EDC3: variants seen among roughly 807,000 people sequenced by gnomAD.
EDC3 encodes the protein enhancer of mRNA-decapping protein 3.
In EDC3, 20 loss-of-function variants were observed where a neutral mutation model predicts 41.8. That is an observed-to-expected ratio of 0.48 (90% CI 0.34 to 0.70). EDC3 has a LOEUF of 0.70. EDC3 is among the 30% of genes least tolerant of loss of function. EDC3 has a pLI of 0.01. For missense variants in EDC3, 444 were observed against 636.8 expected, an observed-to-expected ratio of 0.70 and a Z score of 3.26; for synonymous variants, 206 against 243.2, an observed-to-expected ratio of 0.85 and a Z score of 1.42.
At chr15:74,659,511 T>TATATATATATATAG (rs1346060455) in intron 3 of EDC3, among the ~76,000 whole-genome samples, 42 of 127,072 alleles carry the variant, frequency 3.3e-4, no homozygotes, top group African/African-American at 1.1e-3. Context: ...TATATATATA[T>TATATATATATATAG]AGGCAAATAA....
chr15:74,646,575 G>A (rs1366856376), intron 4 of EDC3, among the ~76,000 whole-genome samples: 2 of 152,198 alleles, frequency 1.3e-5, no homozygotes, highest in African/African-American at 4.8e-5. Context: ...ATGAATAGAA[G>A]AGGGACTCCA....
rs774119590 is a variant in EDC3 at position 74,671,682 on chromosome 15, G to A, written c.257C>T (p.Pro86Leu). 2 of 1,614,018 alleles carry A rather than the reference G, an allele frequency of 1.2e-6. No individual in the cohort carries two copies. Among genetic ancestry groups the A allele is most frequent in the African/African-American group, 1.3e-5 (1 of 74,916 alleles). The change falls in exon 3 of 7, where the codon CCC becomes CTC. Residue 86 changes from proline (P) to leucine (L), a missense_variant. This residue lies in a region of EDC3 where 200 missense variants were observed against 244.0 expected (regional missense o/e 0.82). Coordinates refer to ENST00000315127, the MANE Select transcript of EDC3 (RefSeq NM_025083.5). The surrounding 1 kb of genome is among the most constrained non-coding windows in gnomAD (Gnocchi z 4.6). ...FGDLHQTELGPSGAGCQVGIN... is the reference protein window; with the variant it reads ...FGDLHQTELGLSGAGCQVGIN... ...GCCCACTTGGCAGCCAGCACCAGAG[G>A]GGCCTAATTCTGTTTGATGAAGGTC...
intron 2 of EDC3, 103 bp downstream of exon 2, chr15:74,674,858 T>G: frequency 1.5e-6 from 2 of 1,355,920 alleles, no homozygotes; most frequent in Admixed American, 3.6e-5. Flanking sequence ...CTACTAAAAA[T>G]ACAAAAAGCG....
At chr15:74,670,503 C>G (rs2062727002) in intron 3 of EDC3, among the ~76,000 whole-genome samples, 1 of 152,188 alleles carries the variant, frequency 6.6e-6, no homozygotes, top group South Asian at 2.1e-4. Flanking sequence ...AATATCAGCT[C>G]ACTGCAACCT....
intron 3 of EDC3, among the ~76,000 whole-genome samples, chr15:74,657,615 C>G (rs1282261719): frequency 6.6e-6 from 1 of 152,190 alleles, no homozygotes; most frequent in East Asian, 1.9e-4. Context: ...GAAATACCCC[C>G]AGAGTAAAAG....
chr15:74,672,120 T>A (rs2062746081), intron 2 of EDC3, among the ~76,000 whole-genome samples: 1 of 150,020 alleles, frequency 6.7e-6, no homozygotes, highest in African/African-American at 2.5e-5. Flanking sequence ...AAAAAAAAAA[T>A]TAGCCGGGCA....
At position 74,671,709 on chromosome 15, in the gene EDC3, C is replaced by T. The variant is rs766322816; in HGVS notation, c.230G>A (p.Gly77Glu). Residue 77 changes from glycine to glutamate, a missense_variant, in exon 3 of 7, where the codon GGA becomes GAA. Coordinates refer to ENST00000315127, the MANE Select transcript of EDC3 (RefSeq NM_025083.5). This position sits in a 1 kb window ranked among gnomAD's most constrained non-coding sequence, Gnocchi z 4.6. ...GCCTAATTCTGTTTGATGAAGGTCTCCAAAATGTTGGTTGTCTCCAGGTCC... is the reference window on the plus strand; with the variant it reads ...GCCTAATTCTGTTTGATGAAGGTCTTCAAAATGTTGGTTGTCTCCAGGTCC... ...IPGPGDNQHF[G>E]DLHQTELGPS... 15 of 1,613,986 alleles carry T rather than the reference C, an allele frequency of 9.3e-6. No homozygotes were observed. In the African/African-American group the frequency reaches 1.5e-4, roughly 16 times the overall value.
chr15:74,648,701 T>G (rs1478411440), intron 4 of EDC3, among the ~76,000 whole-genome samples: 1 of 152,180 alleles, frequency 6.6e-6, no homozygotes, highest in Admixed American at 6.5e-5. Context: ...TCCTGTTCCC[T>G]AAATCTCAGC....
In EDC3 at chr15:74,665,221, T is replaced by A. The variant is rs193087891; in HGVS notation, c.484+6234A>T. 3.9e-4 allele frequency among the ~76,000 whole-genome samples: 59 copies of A among 152,306 alleles called. 1 individual carries two copies. Among genetic ancestry groups the A allele is most frequent in the Non-Finnish European group, 5.7e-4 (39 of 68,030 alleles). On this transcript the variant is annotated intron_variant, in intron 3 of 6. Coordinates refer to ENST00000315127, the MANE Select transcript of EDC3 (RefSeq NM_025083.5). ...TTGTATTTTTAGTAGAGACAGGGTT[T>A]CGTCATGTTGGCCAGTCTGGTCTCG...
intron 1 of EDC3, among the ~76,000 whole-genome samples, chr15:74,688,003 T>C (rs1258956644): frequency 6.6e-6 from 1 of 152,250 alleles, no homozygotes; most frequent in African/African-American, 2.4e-5. Flanking sequence ...ACTTTGAAAA[T>C]GTGGATACTC....
chr15:74,678,920 G>A (rs1295169002), intron 1 of EDC3, among the ~76,000 whole-genome samples: 1 of 147,008 alleles, frequency 6.8e-6, no homozygotes, highest in Non-Finnish European at 1.5e-5. Context: ...GCTGGGCACA[G>A]TGGTTCACAC....
intron 3 of EDC3, among the ~76,000 whole-genome samples, chr15:74,659,487 AATATATATATAT>A (rs10601683): frequency 7.0e-6 from 1 of 142,196 alleles, no homozygotes; most frequent in African/African-American, 2.6e-5. Context: ...AAAAAATAGA[AATATATATATAT>A]ATATATATAT....
Position 74,671,725 on chromosome 15 carries a change from C to T in EDC3, c.214G>A (p.Asp72Asn), listed in dbSNP as rs909012007. 1 of 1,614,192 alleles carries T rather than the reference C, an allele frequency of 6.2e-7. No individual in the cohort carries two copies. The highest frequency in any genetic ancestry group is 1.3e-5 in the African/African-American group (1 of 75,058). ...TGAAGGTCTCCAAAATGTTGGTTGT[C>T]TCCAGGTCCTGGTATCTCCAGAATT... ...LKILEIPGPG[D>N]NQHFGDLHQT... The change falls in exon 3 of 7, where the codon GAC (aspartate) becomes AAC (asparagine). Residue 72 changes from aspartate (D) to asparagine (N), a missense_variant. Physicochemically the swap from Asp to Asn is conservative, Grantham distance 23. Transcript: ENST00000315127. The surrounding 1 kb of genome is among the most constrained non-coding windows in gnomAD (Gnocchi z 4.6).
chr15:74,662,536 T>G (rs1052558557), intron 3 of EDC3, among the ~76,000 whole-genome samples: 1 of 151,288 alleles, frequency 6.6e-6, no homozygotes, highest in Admixed American at 6.6e-5. Flanking sequence ...GAAAAAGCAA[T>G]AAAAATCATG....
intron 1 of EDC3, among the ~76,000 whole-genome samples, chr15:74,677,633 G>A (rs2062821708): frequency 6.6e-6 from 1 of 152,052 alleles, no homozygotes; most frequent in African/African-American, 2.4e-5. Flanking sequence ...GGCCTCCTAA[G>A]TGCTAGGTTT....
chr15:74,675,670 C>T (rs777669943), intron 1 of EDC3, among the ~76,000 whole-genome samples: 3 of 148,696 alleles, frequency 2.0e-5, no homozygotes, highest in Admixed American at 1.3e-4. Context: ...CACGAGGTCA[C>T]GAGATCAAGA....
intron 6 of EDC3, among the ~76,000 whole-genome samples, chr15:74,633,594 T>C (rs1378752169): frequency 6.6e-6 from 1 of 152,258 alleles, no homozygotes; most frequent in Non-Finnish European, 1.5e-5. Flanking sequence ...ACCAGGCTTC[T>C]GGGACAGTAT....
chr15:74,655,607 C>T, intron 4 of EDC3, 126 bp downstream of exon 4: 2 of 954,794 alleles, frequency 2.1e-6, no homozygotes, highest in African/African-American at 1.7e-5. Flanking sequence ...TAATACCGGG[C>T]CAGCCACCAA....
chr15:74,685,176 C>T (rs1264565719), intron 1 of EDC3, among the ~76,000 whole-genome samples: 1 of 152,028 alleles, frequency 6.6e-6, no homozygotes, highest in African/African-American at 2.4e-5. Flanking sequence ...GGGCAGATGG[C>T]TTGAGTCCAG....
Sources: allele counts gnomAD v4.1 joint callset (sites outside exome capture counted in the v4.1 genomes callset), GRCh38; gene constraint gnomAD v4.1.1; regional missense constraint gnomAD v4.1.1; non-coding constraint Gnocchi (gnomAD v3.1); transcripts MANE v1.5; gene names NCBI Gene and HGNC (gene_info 2026-07-23, HGNC 2026-07-21).